P2RY14: variants seen among roughly 807,000 people sequenced by gnomAD.
P2RY14 encodes purinergic receptor P2Y14, also known as P2Y purinoceptor 14.
In P2RY14, 2 loss-of-function variants were observed where a neutral mutation model predicts 0.9. That is an observed-to-expected ratio of 2.16 (90% CI 0.88 to 6.79). The LOEUF is 6.79. Ranked by LOEUF, P2RY14 falls within the 30% of genes most tolerant of loss-of-function variation. The pLI, the probability that P2RY14 is intolerant of heterozygous loss-of-function variation, is 0.05. For synonymous variants in P2RY14, 158 were observed against 147.2 expected, an observed-to-expected ratio of 1.07 and a Z score of -0.53; for missense variants, 378 against 400.1, an observed-to-expected ratio of 0.94 and a Z score of 0.47.
intron 2 of P2RY14, among the ~76,000 whole-genome samples, chr3:151,218,966 A>G (rs1728798462): frequency 6.6e-6 from 1 of 152,028 alleles, no homozygotes; most frequent in Non-Finnish European, 1.5e-5. Context: ...TTGTTTCACA[A>G]ATCCAGATAT....
At chr3:151,276,106 G>A (rs950046225) in intron 1 of P2RY14, among the ~76,000 whole-genome samples, 1 of 152,216 alleles carries the variant, frequency 6.6e-6, no homozygotes, top group Admixed American at 6.5e-5. Flanking sequence ...TTTCAATTAT[G>A]CCCAGACAAC....
chr3:151,220,143 C>A (rs1481591412), intron 1 of P2RY14, among the ~76,000 whole-genome samples: 3 of 148,150 alleles, frequency 2.0e-5, no homozygotes, highest in Non-Finnish European at 4.5e-5. Flanking sequence ...AACCCACTAC[C>A]CAAGTTGCGG....
intron 1 of P2RY14, among the ~76,000 whole-genome samples, chr3:151,222,434 C>A (rs1405201204): frequency 6.6e-6 from 1 of 152,260 alleles, no homozygotes; most frequent in Non-Finnish European, 1.5e-5. Flanking sequence ...CCCTTAATTT[C>A]CATGTGTTGT....
At chr3:151,216,351 A>G (rs1480912501) in intron 2 of P2RY14, among the ~76,000 whole-genome samples, 1 of 152,206 alleles carries the variant, frequency 6.6e-6, no homozygotes, top group African/African-American at 2.4e-5. Flanking sequence ...TGGTGCCAGC[A>G]CAGTGCATAT....
intron 1 of P2RY14, among the ~76,000 whole-genome samples, chr3:151,237,707 G>C (rs1429133003): frequency 6.6e-6 from 1 of 152,150 alleles, no homozygotes; most frequent in Admixed American, 6.5e-5. Flanking sequence ...ATGATGTGTA[G>C]TGATCCTGTG....
intron 1 of P2RY14, chr3:151,269,664 G>A (rs1740511418): frequency 2.5e-6 from 1 of 406,628 alleles, no homozygotes; most frequent in Admixed American, 2.8e-5. Context: ...ACAGAATTTG[G>A]AGGTATTAAA....
chr3:151,275,352 G>A (rs1250542195), intron 1 of P2RY14, among the ~76,000 whole-genome samples: 6 of 152,008 alleles, frequency 3.9e-5, no homozygotes, highest in South Asian at 2.1e-4. Context: ...GCCAGCACCC[G>A]TCCCTGGCTG....
At chr3:151,269,214 A>T (rs899424733) in intron 1 of P2RY14, among the ~76,000 whole-genome samples, 5 of 152,214 alleles carry the variant, frequency 3.3e-5, no homozygotes, top group Non-Finnish European at 7.3e-5. Flanking sequence ...CAGCCTGACC[A>T]ACATGCAGAA....
intron 1 of P2RY14, among the ~76,000 whole-genome samples, chr3:151,262,870 C>T (rs1302285632): frequency 2.6e-5 from 4 of 152,170 alleles, no homozygotes; most frequent in Non-Finnish European, 5.9e-5. Context: ...AACGTCTCCT[C>T]AGTTAAATGA....
At chr3:151,230,040 GC>G (rs1177774422) in intron 1 of P2RY14, among the ~76,000 whole-genome samples, 2 of 152,018 alleles carry the variant, frequency 1.3e-5, no homozygotes, top group Non-Finnish European at 2.9e-5. Context: ...TGCGATCTCA[GC>G]TCACTGCAAG....
chr3:151,275,413 A>G (rs1741688700), intron 1 of P2RY14, among the ~76,000 whole-genome samples: 1 of 152,160 alleles, frequency 6.6e-6, no homozygotes, highest in Non-Finnish European at 1.5e-5. Context: ...AAGGCCTTTG[A>G]TGCTTTTCAA....
chr3:151,271,262 A>G (rs1031856292), intron 1 of P2RY14, among the ~76,000 whole-genome samples: 1 of 152,250 alleles, frequency 6.6e-6, no homozygotes, highest in African/African-American at 2.4e-5. Context: ...AGCACATGAA[A>G]AGATTCTCAG....
intron 1 of P2RY14, among the ~76,000 whole-genome samples, chr3:151,265,291 T>C (rs1371113475): frequency 6.6e-6 from 1 of 152,190 alleles, no homozygotes; most frequent in Admixed American, 6.5e-5. Context: ...TGAGTAGATC[T>C]TTTGGCTTTT....
intron 1 of P2RY14, among the ~76,000 whole-genome samples, chr3:151,272,634 T>C (rs897907712): frequency 4.6e-5 from 7 of 152,208 alleles, no homozygotes; most frequent in Admixed American, 3.9e-4. Flanking sequence ...GTATAAAATA[T>C]TGAGTACACA....
intron 1 of P2RY14, among the ~76,000 whole-genome samples, chr3:151,259,967 A>C (rs1306068176): frequency 6.6e-6 from 1 of 152,118 alleles, no homozygotes. Context: ...TGTGGTAAAT[A>C]TTTTCTTCAT....
intron 1 of P2RY14, among the ~76,000 whole-genome samples, chr3:151,257,771 T>A (rs904123367): frequency 1.3e-5 from 2 of 152,142 alleles, no homozygotes; most frequent in Non-Finnish European, 2.9e-5. Context: ...TCACAACAAT[T>A]TTCCTCTGGC....
At chr3:151,270,058 G>C (rs1336347070) in intron 1 of P2RY14, 1 of 232,032 alleles carries the variant, frequency 4.3e-6, no homozygotes, top group Non-Finnish European at 8.4e-6. Flanking sequence ...AAAGAAAGGG[G>C]ATAAGGATGA....
In P2RY14 at chr3:151,214,119, A is replaced by G; in HGVS notation, c.198T>C (p.Ala66=). 1.2e-6 allele frequency: 2 copies of G among 1,614,110 alleles called. No homozygotes were observed. The highest frequency in any genetic ancestry group is 1.7e-6 in the Non-Finnish European group (2 of 1,179,928). Residue 66 remains alanine (A), a synonymous_variant, in exon 3 of 3, where the codon GCT becomes GCC. Transcript: ENST00000309170. ...FIIYLKNIVI[A]DFVMSLTFPF... ...GAAAAGTCAGGCTCATCACAAAGTCAGCAATAACAATGTTCTTGAGATAGA... is the reference window on the plus strand; with the variant it reads ...GAAAAGTCAGGCTCATCACAAAGTCGGCAATAACAATGTTCTTGAGATAGA...
intron 1 of P2RY14, among the ~76,000 whole-genome samples, chr3:151,264,822 G>A (rs182156990): frequency 6.6e-6 from 1 of 152,116 alleles, no homozygotes. Flanking sequence ...TCCAGAGTTT[G>A]GTCATGGCCT....
Sources: gnomAD v4.1 joint callset for allele counts (sites outside exome capture counted in the v4.1 genomes callset) on GRCh38, gnomAD v4.1.1 for gene constraint, MANE v1.5 for transcripts, NCBI Gene and HGNC (gene_info 2026-07-23, HGNC 2026-07-21) for gene names.